The following NOL11 variants were observed in gnomAD, a reference collection of about 807,000 sequenced individuals.
The protein encoded by NOL11 is nucleolar protein 11.
Under a neutral mutation model 93.0 loss-of-function variants are expected in NOL11, and 42 were observed. The observed-to-expected ratio is 0.45, with a 90% CI of 0.35 to 0.58. The LOEUF (loss-of-function observed/expected upper bound fraction) is 0.58, where lower values mean the gene tolerates loss of function less well. Ranked by LOEUF, NOL11 falls within the 20% of genes least tolerant of loss-of-function variation. NOL11 has a pLI of 0.00. For missense variants in NOL11, 775 were observed against 841.8 expected, an observed-to-expected ratio of 0.92 and a Z score of 0.98; for synonymous variants, 296 against 293.7, an observed-to-expected ratio of 1.01 and a Z score of -0.08.
rs868691007 is a variant in NOL11 at position 67,740,783 on chromosome 17, T to A, written c.1935+1175T>A. 11 of 154,722 alleles carry A rather than the reference T, an allele frequency of 7.1e-5. No homozygotes were observed. In the Middle Eastern group the frequency reaches 5.7e-3, roughly 81 times the overall value. The allele number at this position is 154,722 out of a possible 1,614,324, so 9.6% of individuals were successfully genotyped here. A position where few individuals can be genotyped will look rare whatever the true frequency, so the allele number is the denominator to read the frequency against. ...CAGCTTGCTCTCCGCAGGCTCAAGA[T>A]CAACCATCCCACATAGAAGCAGTAA... On this transcript the variant is annotated intron_variant, in intron 16 of 17. Transcript: ENST00000253247.
rs1172683937 is a variant in NOL11 at position 67,722,644 on chromosome 17, G to A, written c.519+7G>A. The A allele has an allele frequency of 6.4e-7, 1 of 1,564,392 alleles. No homozygotes were observed. The highest frequency in any genetic ancestry group is 8.6e-7 in the Non-Finnish European group (1 of 1,164,944). On this transcript the variant is annotated splice_region_variant and intron_variant, in intron 5 of 17. Coordinates refer to ENST00000253247, the MANE Select transcript of NOL11 (RefSeq NM_015462.5). ...AATTTTTATTACTGAAAAAGTAAGT[G>A]ATATCTTCAATTCCTGGCCCATTTT...
At position 67,735,902 on chromosome 17, in the gene NOL11, C is replaced by T. The variant is rs913028273; in HGVS notation, c.933C>T (p.Leu311=). The change falls in exon 9 of 18, where the codon CTC becomes CTT. Residue 311 remains leucine, a splice_region_variant and synonymous_variant. Transcript: ENST00000253247. Reference sequence around the variant, plus strand: ...GTTTTTGATAACTTTTTTTGTAGCTCTGGTATTATGGAGAACATTTGTTTA... The same window carrying T: ...GTTTTTGATAACTTTTTTTGTAGCTTTGGTATTATGGAGAACATTTGTTTA... ...KELPQGTSGQ[L]WYYGEHLFML... 8 of 1,600,246 alleles carry T rather than the reference C, an allele frequency of 5.0e-6. No individual in the cohort carries two copies. Among genetic ancestry groups the T allele is most frequent in the Non-Finnish European group, 5.1e-6 (6 of 1,175,208 alleles).
chr17:67,742,609 C>T (rs749650904), intron 16 of NOL11, among the ~76,000 whole-genome samples: 2 of 152,158 alleles, frequency 1.3e-5, no homozygotes, highest in Non-Finnish European at 2.9e-5. Flanking sequence ...CACCAGCTTT[C>T]CCTACTACAT....
intron 16 of NOL11, among the ~76,000 whole-genome samples, chr17:67,741,456 G>C (rs1357248618): frequency 2.0e-5 from 3 of 152,102 alleles, no homozygotes; most frequent in Non-Finnish European, 4.4e-5. Flanking sequence ...CTGGGCTTAA[G>C]TGATCTTCCT....
intron 14 of NOL11, chr17:67,738,645 A>G: frequency 2.2e-6 from 1 of 461,570 alleles, no homozygotes. Context: ...CAGCCTGGGC[A>G]ACATGGCGAG....
chr17:67,731,952 C>G (rs780107264), intron 7 of NOL11, among the ~76,000 whole-genome samples: 1 of 152,014 alleles, frequency 6.6e-6, no homozygotes, highest in South Asian at 2.1e-4. Flanking sequence ...CTGTTTAGGC[C>G]CCTTACAATT....
chr17:67,725,138 T>C (rs2055079712), intron 6 of NOL11, among the ~76,000 whole-genome samples: 1 of 152,164 alleles, frequency 6.6e-6, no homozygotes, highest in Admixed American at 6.6e-5. Flanking sequence ...AGAAATCACT[T>C]TTTAGCTGAT....
chr17:67,721,801 A>T (rs1045879641), intron 4 of NOL11, among the ~76,000 whole-genome samples: 1 of 152,170 alleles, frequency 6.6e-6, no homozygotes, highest in African/African-American at 2.4e-5. Flanking sequence ...TGTTCCTCTC[A>T]TATTGCCCTG....
chr17:67,731,586 C>G (rs1156736842), intron 7 of NOL11, among the ~76,000 whole-genome samples: 1 of 152,130 alleles, frequency 6.6e-6, no homozygotes, highest in Non-Finnish European at 1.5e-5. Flanking sequence ...CTTTTGGTTC[C>G]ACATCCAAGA....
At chr17:67,733,515 C>T (rs2055174150) in intron 7 of NOL11, among the ~76,000 whole-genome samples, 1 of 152,196 alleles carries the variant, frequency 6.6e-6, no homozygotes, top group East Asian at 1.9e-4. Context: ...ATGATAGTTG[C>T]GTAGAATAGC....
At chr17:67,742,209 C>T (rs1321018489) in intron 16 of NOL11, among the ~76,000 whole-genome samples, 3 of 152,172 alleles carry the variant, frequency 2.0e-5, no homozygotes, top group African/African-American at 7.2e-5. Flanking sequence ...CACATTCTTA[C>T]TGACATTCAG....
At chr17:67,739,914 T>C (rs907333570) in intron 16 of NOL11, among the ~76,000 whole-genome samples, 1 of 152,180 alleles carries the variant, frequency 6.6e-6, no homozygotes, top group African/African-American at 2.4e-5. Flanking sequence ...GCTGATAATA[T>C]AGGTTGCCCC....
At chr17:67,738,592 G>A (rs2055225748) in intron 14 of NOL11, 3 of 482,838 alleles carry the variant, frequency 6.2e-6, no homozygotes, top group African/African-American at 5.8e-5. Flanking sequence ...AGCACTTTTT[G>A]AGGCCGAGGT....
intron 16 of NOL11, among the ~76,000 whole-genome samples, chr17:67,741,365 C>T (rs978892369): frequency 7.2e-5 from 11 of 151,904 alleles, no homozygotes; most frequent in African/African-American, 2.7e-4. Flanking sequence ...CTACCGTGCC[C>T]GGGCAAACTA....
chr17:67,739,557 C>T lies in NOL11; in HGVS notation c.1884C>T (p.Ser628=), dbSNP rs556906604. ...TGTATTTCCTGTACCTGAAGTGTAG[C>T]GAAAATGCTACTATGACTCTTCCTG... ...KYLYFLYLKC[S]ENATMTLPGI... is the part of the protein sequence containing the mutation. Residue 628 remains serine, a synonymous_variant, in exon 16 of 18, where the codon AGC becomes AGT. Transcript: ENST00000253247. 14 of 1,600,096 alleles carry T rather than the reference C, an allele frequency of 8.7e-6. No homozygotes were observed. The South Asian group carries it at 1.1e-4, about 13-fold the overall frequency.
intron 7 of NOL11, among the ~76,000 whole-genome samples, chr17:67,727,206 C>T (rs770886262): frequency 6.6e-6 from 1 of 152,232 alleles, no homozygotes; most frequent in Non-Finnish European, 1.5e-5. Context: ...CAGACTCTGT[C>T]GTTTAGCATA....
At chr17:67,723,201 G>A (rs1371196935) in intron 5 of NOL11, among the ~76,000 whole-genome samples, 2 of 150,708 alleles carry the variant, frequency 1.3e-5, no homozygotes, top group African/African-American at 2.4e-5. Flanking sequence ...TAGTAGAGAC[G>A]GGGTTTCTCC....
chr17:67,718,953 C>G (rs1480332665), intron 1 of NOL11, among the ~76,000 whole-genome samples: 1 of 152,172 alleles, frequency 6.6e-6, no homozygotes, highest in Non-Finnish European at 1.5e-5. Flanking sequence ...TCCCAGATGT[C>G]CCTACTTAAT....
intron 7 of NOL11, among the ~76,000 whole-genome samples, chr17:67,729,688 CCT>C (rs1294154785): frequency 2.0e-5 from 3 of 152,024 alleles, no homozygotes; most frequent in Non-Finnish European, 4.4e-5. Flanking sequence ...ATGCCATTCC[CCT>C]GACTCAGCCT....
Sources: allele counts gnomAD v4.1 joint callset (sites outside exome capture counted in the v4.1 genomes callset), GRCh38; gene constraint gnomAD v4.1.1; transcripts MANE v1.5; gene names NCBI Gene and HGNC (gene_info 2026-07-23, HGNC 2026-07-21).